The following ATRNL1 variants were observed in gnomAD, a reference collection of about 807,000 sequenced individuals.
The protein encoded by ATRNL1 is attractin like 1, also known as attractin-like protein 1.
ATRNL1 carries 95 observed loss-of-function variants against 182.7 expected under a neutral mutation model. That is an observed-to-expected ratio of 0.52 (90% CI 0.44 to 0.62). The LOEUF (loss-of-function observed/expected upper bound fraction) is 0.62. Among genes scored for constraint, ATRNL1 ranks in the 20% least tolerant of loss-of-function variants. The pLI, the probability that ATRNL1 is intolerant of heterozygous loss-of-function variation, is 0.00. For missense variants in ATRNL1, 1,471 were observed against 1,679.5 expected (o/e 0.88, Z 2.17); for synonymous variants, 576 against 568.3 (o/e 1.01, Z -0.19).
intron 27 of ATRNL1, among the ~76,000 whole-genome samples, chr10:115,814,494 T>G (rs1950117287): frequency 6.6e-6 from 1 of 152,180 alleles, no homozygotes; most frequent in African/African-American, 2.4e-5. Flanking sequence ...TGAAAATAAA[T>G]TTTTGAAAGT....
intron 8 of ATRNL1, among the ~76,000 whole-genome samples, chr10:115,177,674 G>T (rs2144134300): frequency 6.6e-6 from 1 of 152,096 alleles, no homozygotes; most frequent in South Asian, 2.1e-4. Context: ...GCTAGAGATG[G>T]GGTTTCGCCA....
intron 27 of ATRNL1, among the ~76,000 whole-genome samples, chr10:115,755,110 T>G (rs1220731179): frequency 6.6e-6 from 1 of 152,194 alleles, no homozygotes; most frequent in Non-Finnish European, 1.5e-5. Flanking sequence ...TCATGTTATC[T>G]GCAAACAGGG....
At chr10:115,230,919 G>GAGAGAA (rs1849918070) in intron 9 of ATRNL1, among the ~76,000 whole-genome samples, 21 of 120,878 alleles carry the variant, frequency 1.7e-4, no homozygotes, top group African/African-American at 6.0e-4. Flanking sequence ...GAGAGAGAGA[G>GAGAGAA]AGAAAGAGAG....
chr10:115,243,089 A>G (rs1207997742), intron 10 of ATRNL1, among the ~76,000 whole-genome samples: 3 of 151,888 alleles, frequency 2.0e-5, no homozygotes, highest in African/African-American at 7.2e-5. Context: ...TCTTCTGGGG[A>G]AAAAAAATCC....
chr10:115,263,228 A>T (rs1554909279), intron 10 of ATRNL1, among the ~76,000 whole-genome samples: 1 of 151,836 alleles, frequency 6.6e-6, no homozygotes, highest in Non-Finnish European at 1.5e-5. Flanking sequence ...AAGATATACA[A>T]ATGTCCAATA....
chr10:115,449,515 T>A (rs1847181776), intron 21 of ATRNL1, among the ~76,000 whole-genome samples: 1 of 152,164 alleles, frequency 6.6e-6, no homozygotes, highest in Non-Finnish European at 1.5e-5. Flanking sequence ...TATGGACACT[T>A]GAGCTATTTA....
chr10:115,858,143 A>C (rs2134384174), intron 28 of ATRNL1, among the ~76,000 whole-genome samples: 1 of 152,328 alleles, frequency 6.6e-6, no homozygotes, highest in East Asian at 1.9e-4. Flanking sequence ...TAATTCCTCA[A>C]AGATTTAGAA....
intron 26 of ATRNL1, among the ~76,000 whole-genome samples, chr10:115,665,765 G>T (rs1312524452): frequency 6.6e-6 from 1 of 152,124 alleles, no homozygotes. Flanking sequence ...TCATTATCTA[G>T]AAAGATTCGC....
chr10:115,109,159 C>CTT (rs71010007), intron 1 of ATRNL1, among the ~76,000 whole-genome samples: 6 of 151,394 alleles, frequency 4.0e-5, no homozygotes, highest in African/African-American at 1.5e-4. Flanking sequence ...TTTTTCTAGC[C>CTT]TTTTTTTTTC....
At chr10:115,617,549 G>A (rs534400189) in intron 26 of ATRNL1, among the ~76,000 whole-genome samples, 10 of 151,862 alleles carry the variant, frequency 6.6e-5, no homozygotes, top group Middle Eastern at 3.4e-3. Context: ...TTGTAGAGAC[G>A]GGGTTTCACC....
intron 28 of ATRNL1, among the ~76,000 whole-genome samples, chr10:115,900,951 C>G (rs1271439539): frequency 3.3e-5 from 5 of 152,062 alleles, no homozygotes; most frequent in Non-Finnish European, 5.9e-5. Flanking sequence ...CAGTGAAATG[C>G]AAATTATAGC....
At chr10:115,298,865 T>C (rs1450292709) in intron 15 of ATRNL1, among the ~76,000 whole-genome samples, 1 of 152,070 alleles carries the variant, frequency 6.6e-6, no homozygotes, top group African/African-American at 2.4e-5. Flanking sequence ...ATTTATAAGA[T>C]ATTTAAATTT....
At chr10:115,442,879 T>G (rs73369798) in intron 21 of ATRNL1, among the ~76,000 whole-genome samples, 11,687 of 152,122 alleles carry the variant, frequency 0.077, 1,483 homozygotes, top group African/African-American at 0.26. Context: ...AAGATTAATC[T>G]GAGGAGAACA....
rs143692233 is a variant in ATRNL1 at position 115,822,809 on chromosome 10, A to C, written c.3904-25068A>C. Among the ~76,000 whole-genome samples, 873 of 152,304 alleles carry C rather than the reference A, an allele frequency of 5.7e-3. 7 individuals carry two copies. The highest frequency in any genetic ancestry group is 0.02 in the African/African-American group (830 of 41,566). ...AACTAATAGCCTACCAACCAAAAAA[A>C]GCCCAGGACCAGATGGGTTCACAGC... On this transcript the variant is annotated intron_variant, in intron 27 of 28. Coordinates refer to ENST00000355044, the MANE Select transcript of ATRNL1 (RefSeq NM_207303.4).
chr10:115,238,175 A>G (rs534895962), intron 9 of ATRNL1, among the ~76,000 whole-genome samples: 1 of 152,244 alleles, frequency 6.6e-6, no homozygotes, highest in South Asian at 2.1e-4. Flanking sequence ...GGTGATGTCA[A>G]TCTTTGACTT....
intron 8 of ATRNL1, among the ~76,000 whole-genome samples, chr10:115,184,693 CAT>C (rs1200809018): frequency 4.6e-5 from 7 of 151,474 alleles, no homozygotes; most frequent in African/African-American, 1.4e-4. Context: ...TTTTTAGAAT[CAT>C]ATTAATCATT....
intron 27 of ATRNL1, among the ~76,000 whole-genome samples, chr10:115,738,273 G>A (rs1224805647): frequency 6.7e-6 from 1 of 150,166 alleles, no homozygotes; most frequent in Non-Finnish European, 1.5e-5. Context: ...GTCTGTAGCT[G>A]GGGTTATAGA....
At chr10:115,226,731 A>G (rs537175423) in intron 9 of ATRNL1, among the ~76,000 whole-genome samples, 269 of 152,268 alleles carry the variant, frequency 1.8e-3, no homozygotes, top group Non-Finnish European at 3.3e-3. Flanking sequence ...AAAAATGGAC[A>G]TGTAAACCAA....
rs59256867 is a variant in ATRNL1, at chr10:115,403,257, C to CTTTTTTTTTTTTTTTTTTTTTTT, written c.3269+8524_3269+8525insTTTTTTTTTTTTTTTTTTTTTTT. 5.0e-4 allele frequency among the ~76,000 whole-genome samples: 54 copies of CTTTTTTTTTTTTTTTTTTTTTTT among 107,430 alleles called. 3 individuals carry two copies. The highest frequency in any genetic ancestry group is 2.4e-3 in the African/African-American group (49 of 20,390). The allele number at this position is 107,430 out of a possible 152,430, so 70.5% of individuals were successfully genotyped here. A position where few individuals can be genotyped will look rare whatever the true frequency, so the allele number is the denominator to read the frequency against. ...CTTTATTTTTCCTAATTACTCTCAT[C>CTTTTTTTTTTTTTTTTTTTTTTT]TTTTTTTTTTTTTTTTTTTAGTCTG... On this transcript the variant is annotated intron_variant, in intron 20 of 28. Coordinates refer to ENST00000355044, the MANE Select transcript of ATRNL1 (RefSeq NM_207303.4).
Sources: gnomAD v4.1 joint callset for allele counts (sites outside exome capture counted in the v4.1 genomes callset) on GRCh38, gnomAD v4.1.1 for gene constraint, MANE v1.5 for transcripts, NCBI Gene and HGNC (gene_info 2026-07-23, HGNC 2026-07-21) for gene names.